Variants in GNG12 observed in about 807,000 individuals in gnomAD.
GNG12 encodes the protein guanine nucleotide-binding protein G(I)/G(S)/G(O) subunit gamma-12.
For missense variants in GNG12, 69 were observed against 83.8 expected (o/e 0.82, Z 0.69); for synonymous variants, 28 against 29.7 (o/e 0.94, Z 0.19).
chr1:67,753,488 G>A (rs941584846), intron 2 of GNG12, among the ~76,000 whole-genome samples: 2 of 152,144 alleles, frequency 1.3e-5, no homozygotes, highest in African/African-American at 2.4e-5. Context: ...GCGACTGGAG[G>A]AAATTTACTT....
At chr1:67,745,860 A>G (rs1646504456) in intron 2 of GNG12, among the ~76,000 whole-genome samples, 1 of 152,220 alleles carries the variant, frequency 6.6e-6, no homozygotes. Flanking sequence ...CCTAGAAGCT[A>G]AGGTTTCTGA....
chr1:67,780,778 C>T (rs1043477244), intron 1 of GNG12, among the ~76,000 whole-genome samples: 1 of 152,174 alleles, frequency 6.6e-6, no homozygotes, highest in Non-Finnish European at 1.5e-5. Context: ...CAACTCGGAG[C>T]TTGGCAGACT....
chr1:67,712,816 C>T (rs964630337), intron 2 of GNG12, among the ~76,000 whole-genome samples: 16 of 149,168 alleles, frequency 1.1e-4, no homozygotes, highest in African/African-American at 4.0e-4. Context: ...TCAGTGAATG[C>T]TCTACCATGT....
intron 2 of GNG12, among the ~76,000 whole-genome samples, chr1:67,762,004 C>T (rs1646608346): frequency 1.3e-5 from 2 of 152,192 alleles, no homozygotes; most frequent in African/African-American, 2.4e-5. Flanking sequence ...AAGACTCTGG[C>T]CTCTTTGTTC....
chr1:67,800,950 A>G (rs1361060984), intron 1 of GNG12, among the ~76,000 whole-genome samples: 1 of 152,170 alleles, frequency 6.6e-6, no homozygotes, highest in Non-Finnish European at 1.5e-5. Context: ...AACAAATGTA[A>G]CTTCATATTA....
rs3835466 is a variant in GNG12 at position 67,751,184 on chromosome 1, G to GACACACAC, written c.-27+26266_-27+26273dup. 1.8e-3 allele frequency among the ~76,000 whole-genome samples: 247 copies of GACACACAC among 140,790 alleles called. 1 individual carries two copies. Among genetic ancestry groups the GACACACAC allele is most frequent in the African/African-American group, 6.1e-3 (240 of 39,416 alleles). The allele number at this position is 140,790 out of a possible 152,430, so 92.4% of individuals were successfully genotyped here. ...GCCCATTTACATGGATACACATACA[G>GACACACAC]ACACACACACACACACACACACACA... On this transcript the variant is annotated intron_variant, in intron 2 of 3. Transcript: ENST00000370982.
At position 67,707,657 on chromosome 1, in the gene GNG12, A is replaced by G. The variant is rs557977842; in HGVS notation, c.30T>C (p.Asn10=). The G allele has an allele frequency of 1.2e-6, 2 of 1,607,654 alleles. No individual in the cohort carries two copies. The highest frequency in any genetic ancestry group is 4.5e-5 in the East Asian group (2 of 44,718). The change falls in exon 3 of 4, where the codon AAT becomes AAC. Residue 10 remains asparagine, a synonymous_variant. Transcript: ENST00000370982. ...GCACAGTTCTCCTTGCCTGGGCTAT[A>G]TTGTTGGTGCTTGCTGTTTTGCTGG... The part of the protein sequence containing the change: MSSKTASTN[N]IAQARRTVQQ...
chr1:67,758,962 T>C (rs1452813816), intron 2 of GNG12, among the ~76,000 whole-genome samples: 3 of 152,152 alleles, frequency 2.0e-5, no homozygotes, highest in African/African-American at 7.2e-5. Flanking sequence ...TTTTAGTATC[T>C]GACAGTACAG....
intron 2 of GNG12, among the ~76,000 whole-genome samples, chr1:67,718,740 C>A (rs1408695491): frequency 6.6e-6 from 1 of 152,210 alleles, no homozygotes; most frequent in African/African-American, 2.4e-5. Context: ...ACCCTGACCA[C>A]TATGCTCAGA....
intron 1 of GNG12, among the ~76,000 whole-genome samples, chr1:67,779,651 C>T (rs1646725949): frequency 6.6e-6 from 1 of 152,176 alleles, no homozygotes; most frequent in South Asian, 2.1e-4. Flanking sequence ...CCTTGACTGC[C>T]TCAGCAACAA....
At chr1:67,714,158 T>C (rs1646311586) in intron 2 of GNG12, among the ~76,000 whole-genome samples, 2 of 152,288 alleles carry the variant, frequency 1.3e-5, no homozygotes, top group South Asian at 4.1e-4. Context: ...AATGGAGAGA[T>C]TTCCTTTTAA....
chr1:67,833,276 C>A (rs1391007882), intron 1 of GNG12, 68 bp downstream of exon 1: 2 of 519,954 alleles, frequency 3.8e-6, no homozygotes, highest in African/African-American at 4.1e-5. Flanking sequence ...CGCTGGCCGA[C>A]GCCCCGCGCC....
intron 2 of GNG12, among the ~76,000 whole-genome samples, chr1:67,756,993 C>T (rs990507648): frequency 2.0e-5 from 3 of 152,196 alleles, no homozygotes; most frequent in African/African-American, 7.2e-5. Context: ...TATAGTACGA[C>T]TTTTCTAAAT....
chr1:67,813,681 C>T (rs112331215), intron 1 of GNG12, among the ~76,000 whole-genome samples: 5 of 104,022 alleles, frequency 4.8e-5, no homozygotes, highest in African/African-American at 7.6e-5. Flanking sequence ...ACATGGAATA[C>T]GATGAGAATA....
chr1:67,775,202 C>T (rs1222286080), intron 2 of GNG12, among the ~76,000 whole-genome samples: 1 of 152,090 alleles, frequency 6.6e-6, no homozygotes, highest in Non-Finnish European at 1.5e-5. Context: ...TTTTGATCTT[C>T]CTAGCAATTG....
intron 1 of GNG12, among the ~76,000 whole-genome samples, chr1:67,826,723 G>A (rs779992457): frequency 2.0e-5 from 3 of 152,174 alleles, no homozygotes; most frequent in Non-Finnish European, 4.4e-5. Flanking sequence ...AAGTCCAAGA[G>A]GCTTTTAGAT....
chr1:67,804,322 TC>T (rs1646882703), intron 1 of GNG12, among the ~76,000 whole-genome samples: 1 of 152,196 alleles, frequency 6.6e-6, no homozygotes, highest in South Asian at 2.1e-4. Flanking sequence ...TAATTCCCCA[TC>T]TTTTCTAGTT....
At chr1:67,739,961 T>C (rs1570502842) in intron 2 of GNG12, among the ~76,000 whole-genome samples, 1 of 152,214 alleles carries the variant, frequency 6.6e-6, no homozygotes, top group African/African-American at 2.4e-5. Context: ...AGTATGTGTA[T>C]AGAGATATTC....
At chr1:67,803,331 T>C (rs978008999) in intron 1 of GNG12, among the ~76,000 whole-genome samples, 1 of 152,118 alleles carries the variant, frequency 6.6e-6, no homozygotes, top group African/African-American at 2.4e-5. Context: ...CTAGACAACA[T>C]AGTGAGACCT....
Sources: gnomAD v4.1 joint callset for allele counts (sites outside exome capture counted in the v4.1 genomes callset) on GRCh38, gnomAD v4.1.1 for gene constraint, MANE v1.5 for transcripts, NCBI Gene and HGNC (gene_info 2026-07-23, HGNC 2026-07-21) for gene names.